The following SCLT1 variants were observed in gnomAD, a reference collection of about 807,000 sequenced individuals.
The protein encoded by SCLT1 is sodium channel and clathrin linker 1.
In SCLT1, 78 loss-of-function variants were observed where a neutral mutation model predicts 112.8. The ratio of observed to expected loss-of-function variants is 0.69; its 90% CI spans 0.58 to 0.83. The LOEUF (loss-of-function observed/expected upper bound fraction) is 0.83. Among genes scored for constraint, SCLT1 ranks in the 40% least tolerant of loss-of-function variants. The pLI, the probability that SCLT1 is intolerant of heterozygous loss-of-function variation, is 0.00. For missense variants in SCLT1, 747 were observed against 770.4 expected (o/e 0.97, Z 0.36); for synonymous variants, 257 against 254.7 (o/e 1.01, Z -0.09).
chr4:128,897,766 T>C (rs1289547403), intron 18 of SCLT1, among the ~76,000 whole-genome samples: 2 of 152,174 alleles, frequency 1.3e-5, no homozygotes, highest in African/African-American at 4.8e-5. Context: ...GTGTGCTGTA[T>C]TCAGGAAACC....
intron 18 of SCLT1, among the ~76,000 whole-genome samples, chr4:128,898,768 G>T (rs1338482404): frequency 2.0e-5 from 3 of 152,160 alleles, no homozygotes; most frequent in Non-Finnish European, 4.4e-5. Flanking sequence ...AAAATTGATA[G>T]ACCGCTAGCA....
At chr4:128,906,319 T>A (rs948776444) in intron 18 of SCLT1, among the ~76,000 whole-genome samples, 1 of 152,146 alleles carries the variant, frequency 6.6e-6, no homozygotes, top group Non-Finnish European at 1.5e-5. Flanking sequence ...TGCCTCAGCC[T>A]CCCAAGTAGC....
chr4:128,946,166 T>C lies in SCLT1; in HGVS notation c.1294-14A>G, dbSNP rs1738145083. On this transcript the variant is annotated splice_polypyrimidine_tract_variant and intron_variant, in intron 15 of 20. Transcript: ENST00000281142. Reference sequence around the variant, plus strand: ...TTCACGGTAAATCTGCAGAAAAGGCTTATTAGGTATATAATATTACAGAAG... The same window carrying C: ...TTCACGGTAAATCTGCAGAAAAGGCCTATTAGGTATATAATATTACAGAAG... 1.9e-6 allele frequency: 3 copies of C among 1,562,460 alleles called. No homozygotes were observed. Among genetic ancestry groups the C allele is most frequent in the South Asian group, 2.2e-5 (2 of 89,174 alleles).
intron 1 of SCLT1, among the ~76,000 whole-genome samples, chr4:129,086,021 A>G (rs1752365171): frequency 6.6e-6 from 1 of 152,222 alleles, no homozygotes; most frequent in Non-Finnish European, 1.5e-5. Context: ...AAATTTTAAA[A>G]AAAGAAAAAC....
At chr4:129,076,811 C>T (rs552932581) in intron 2 of SCLT1, among the ~76,000 whole-genome samples, 12 of 152,058 alleles carry the variant, frequency 7.9e-5, no homozygotes, top group African/African-American at 2.6e-4. Context: ...GAGAGCAATG[C>T]CACTTGAAAT....
chr4:128,884,888 C>G (rs1579275443), intron 20 of SCLT1, among the ~76,000 whole-genome samples: 1 of 152,260 alleles, frequency 6.6e-6, no homozygotes, highest in East Asian at 1.9e-4. Flanking sequence ...CTCAAGCAAT[C>G]CACCCACCTT....
intron 18 of SCLT1, among the ~76,000 whole-genome samples, chr4:128,926,877 A>G (rs764535861): frequency 2.0e-5 from 3 of 152,190 alleles, no homozygotes; most frequent in Middle Eastern, 3.4e-3. Flanking sequence ...AGGAGAATAA[A>G]AGCTTTGATT....
At chr4:129,051,170 C>T (rs1210868048) in intron 2 of SCLT1, among the ~76,000 whole-genome samples, 1 of 152,182 alleles carries the variant, frequency 6.6e-6, no homozygotes, top group East Asian at 1.9e-4. Flanking sequence ...ATGCCTCCAA[C>T]TTTGTTCTTT....
intron 12 of SCLT1, among the ~76,000 whole-genome samples, chr4:128,957,460 A>G (rs956838778): frequency 1.3e-5 from 2 of 152,168 alleles, no homozygotes; most frequent in African/African-American, 4.8e-5. Context: ...TTGTATCCTT[A>G]TAAGAATCTC....
intron 18 of SCLT1, among the ~76,000 whole-genome samples, chr4:128,897,686 T>C (rs1033250682): frequency 1.3e-5 from 2 of 152,154 alleles, no homozygotes; most frequent in African/African-American, 2.4e-5. Context: ...TAATCTTAAA[T>C]GTAAATGCGC....
At position 128,997,932 on chromosome 4, in the gene SCLT1, A is replaced by G; in HGVS notation, c.557T>C (p.Leu186Pro). 2 of 1,507,838 alleles carry G rather than the reference A, an allele frequency of 1.3e-6. No individual in the cohort carries two copies. The highest frequency in any genetic ancestry group is 1.8e-6 in the Non-Finnish European group (2 of 1,119,536). The allele number at this position is 1,507,838 out of a possible 1,614,324, so 93.4% of individuals were successfully genotyped here. A position where few individuals can be genotyped will look rare whatever the true frequency, so the allele number is the denominator to read the frequency against. Residue 186 changes from leucine to proline, a missense_variant, in exon 8 of 21, where the codon CTA becomes CCA. By Grantham distance (98) the Leu-to-Pro change is moderately conservative. Around this residue, in one of 2 missense-constraint regions of SCLT1, gnomAD observed 723 missense variants for 721.3 expected, o/e 1.00. Transcript: ENST00000281142. Reference protein sequence around the residue: ...VFESQKQKDQLFDFQQLTKQL... With the variant: ...VFESQKQKDQPFDFQQLTKQL... The stretch of plus-strand genomic sequence containing the variant: ...TTTGGTCAGTTGTTGAAAATCAAAT[A>G]GCTGATCCTACAGTGGGAAGGTAAG...
At chr4:128,950,768 A>C (rs1738659092) in intron 14 of SCLT1, among the ~76,000 whole-genome samples, 1 of 152,168 alleles carries the variant, frequency 6.6e-6, no homozygotes, top group Non-Finnish European at 1.5e-5. Flanking sequence ...CAAAGAAAAG[A>C]TCATAATGAA....
intron 5 of SCLT1, among the ~76,000 whole-genome samples, chr4:129,020,390 G>T (rs1201198874): frequency 6.6e-6 from 1 of 152,188 alleles, no homozygotes; most frequent in African/African-American, 2.4e-5. Context: ...ACTATTCTGT[G>T]CACAGACAGA....
intron 4 of SCLT1, chr4:128,874,560 T>C (rs751455999): frequency 2.0e-5 from 3 of 152,426 alleles, no homozygotes; most frequent in Admixed American, 2.0e-4. Context: ...GCCCACACTT[T>C]TTATTCCTGC....
intron 11 of SCLT1, among the ~76,000 whole-genome samples, chr4:128,964,827 A>T (rs1322238939): frequency 6.6e-6 from 1 of 152,180 alleles, no homozygotes; most frequent in East Asian, 1.9e-4. Context: ...GTTCACACCA[A>T]ACTCTGCAGG....
intron 18 of SCLT1, among the ~76,000 whole-genome samples, chr4:128,925,355 T>A (rs185356706): frequency 9.2e-4 from 140 of 152,206 alleles, no homozygotes; most frequent in Non-Finnish European, 1.6e-3. Flanking sequence ...GTTCTTTTTT[T>A]TTTTGGAGCT....
rs1320307080 is a variant in SCLT1 at position 129,039,061 on chromosome 4, A to G, written c.270T>C (p.Asn90=). The stretch of plus-strand genomic sequence containing the variant: ...TTTACCTTTCATTTTCCTTGATGAC[A>G]TTTTCAAGTTGTAATTTCATCTCAC... ...QVGEMKLQLE[N]VIKENERLHS... Residue 90 remains asparagine, a synonymous_variant, in exon 5 of 21, where the codon AAT becomes AAC. Coordinates refer to ENST00000281142, the MANE Select transcript of SCLT1 (RefSeq NM_144643.4). The G allele has an allele frequency of 1.3e-6, 2 of 1,588,662 alleles. No homozygotes were observed. Among genetic ancestry groups the G allele is most frequent in the South Asian group, 1.1e-5 (1 of 90,390 alleles).
chr4:129,008,181 G>A (rs1744198083), intron 5 of SCLT1, among the ~76,000 whole-genome samples: 1 of 152,144 alleles, frequency 6.6e-6, no homozygotes, highest in African/African-American at 2.4e-5. Flanking sequence ...ATTCTAGGAT[G>A]ATTTTTCCTT....
intron 18 of SCLT1, among the ~76,000 whole-genome samples, chr4:128,907,741 T>C (rs1734795745): frequency 4.3e-5 from 3 of 69,960 alleles, no homozygotes; most frequent in Non-Finnish European, 2.8e-5. Context: ...CTAACCCATA[T>C]TGAAAGTCAA....
Sources: allele counts gnomAD v4.1 joint callset (sites outside exome capture counted in the v4.1 genomes callset), GRCh38; gene constraint gnomAD v4.1.1; regional missense constraint gnomAD v4.1.1; transcripts MANE v1.5; gene names NCBI Gene and HGNC (gene_info 2026-07-23, HGNC 2026-07-21).